Variants in MYRF observed in about 807,000 individuals in gnomAD.
The protein encoded by MYRF is myelin regulatory factor, also known as myelin gene regulatory factor.
In MYRF, 16 loss-of-function variants were observed where a neutral mutation model predicts 126.3. The ratio of observed to expected loss-of-function variants is 0.13; its 90% CI spans 0.09 to 0.19. MYRF has a LOEUF of 0.19. MYRF is among the 10% of genes least tolerant of loss of function. The pLI, the probability that MYRF is intolerant of heterozygous loss-of-function variation, is 1.00. For synonymous variants in MYRF, 608 were observed against 635.3 expected, an observed-to-expected ratio of 0.96 and a Z score of 0.65; for missense variants, 1,104 against 1,547.0, an observed-to-expected ratio of 0.71 and a Z score of 4.80.
intron 4 of MYRF, among the ~76,000 whole-genome samples, chr11:61,769,744 A>C (rs952493888): frequency 2.0e-4 from 31 of 152,234 alleles, no homozygotes; most frequent in African/African-American, 7.5e-4. Flanking sequence ...TGGGGTCAAG[A>C]GTTCTGTTTA....
intron 1 of MYRF, among the ~76,000 whole-genome samples, chr11:61,756,370 A>G (rs2065755432): frequency 6.6e-6 from 1 of 152,118 alleles, no homozygotes; most frequent in Non-Finnish European, 1.5e-5. Context: ...GGTCCCAGGT[A>G]GAGACTACCT....
intron 5 of MYRF, 127 bp downstream of exon 5, chr11:61,770,652 T>G: frequency 4.6e-6 from 4 of 873,524 alleles, no homozygotes; most frequent in Non-Finnish European, 6.9e-6. Flanking sequence ...CAGAAGGCTC[T>G]GCAGGGCAGA....
At chr11:61,766,837 C>A in intron 3 of MYRF, 2 of 353,074 alleles carry the variant, frequency 5.7e-6, no homozygotes, top group South Asian at 2.2e-5. Flanking sequence ...ATGCTCACAG[C>A]GGGAGGCTGG....
intron 22 of MYRF, 86 bp downstream of exon 22, chr11:61,781,910 C>T: frequency 1.4e-6 from 2 of 1,424,294 alleles, no homozygotes; most frequent in Non-Finnish European, 9.2e-7. Flanking sequence ...ATGTGACTGT[C>T]TGGGTTCAGA....
chr11:61,774,208 G>A, intron 8 of MYRF, 46 bp downstream of exon 8: 3 of 1,528,492 alleles, frequency 2.0e-6, no homozygotes, highest in Non-Finnish European at 2.7e-6. Context: ...AGGGCCCTTT[G>A]GGGGCACTGA....
rs1301773867 is a variant in MYRF at position 61,773,507 on chromosome 11, C to G, written c.1116-460C>G. On this transcript the variant is annotated intron_variant, in intron 7 of 26. Coordinates refer to ENST00000278836, the MANE Select transcript of MYRF (RefSeq NM_001127392.3). ...CGGTGGGCAGGGGCTGGGTCTGCAG[C>G]AGAGCAGGCGCCTGGTTCCACCGTT... Among the ~76,000 whole-genome samples, 3 of 152,292 alleles carry G rather than the reference C, an allele frequency of 2.0e-5. No individual in the cohort carries two copies. In the East Asian group the frequency reaches 5.8e-4, roughly 29 times the overall value.
intron 1 of MYRF, among the ~76,000 whole-genome samples, chr11:61,758,254 C>A (rs1211384408): frequency 6.6e-6 from 1 of 152,168 alleles, no homozygotes; most frequent in Non-Finnish European, 1.5e-5. Context: ...TCCGTGCAGC[C>A]ACCGGAGTGC....
chr11:61,763,422 T>C (rs558484980), intron 1 of MYRF, among the ~76,000 whole-genome samples: 4 of 152,338 alleles, frequency 2.6e-5, no homozygotes, highest in African/African-American at 7.2e-5. Context: ...TTTGTCATCA[T>C]CGCCATGATG....
At position 61,781,817 on chromosome 11, in the gene MYRF, C is replaced by T. The variant is rs778460144; in HGVS notation, c.3009C>T (p.Gly1003=). 8 of 1,558,036 alleles carry T rather than the reference C, an allele frequency of 5.1e-6. No individual in the cohort carries two copies. In the East Asian group the frequency reaches 1.4e-4, roughly 26 times the overall value. ...VGPAEPTWAQ[G]QSASLLAEPV... Reference sequence around the variant, plus strand: ...CTGCTGAGCCCACCTGGGCCCAGGGCCAGTCAGGTACTTGCTGCACCCCTG... The same window carrying T: ...CTGCTGAGCCCACCTGGGCCCAGGGTCAGTCAGGTACTTGCTGCACCCCTG... The change falls in exon 22 of 27, where the codon GGC becomes GGT. Residue 1003 remains glycine, a synonymous_variant. Coordinates refer to ENST00000278836, the MANE Select transcript of MYRF (RefSeq NM_001127392.3).
chr11:61,785,704 T>A, intron 25 of MYRF, 96 bp from the exon 26 acceptor site: 1 of 982,748 alleles, frequency 1.0e-6, no homozygotes, highest in Middle Eastern at 2.1e-4. Flanking sequence ...TTCATAAAAC[T>A]CCCCACAGAC....
At chr11:61,779,647 C>T (rs1234948281) in intron 16 of MYRF, 77 bp downstream of exon 16, 12 of 1,353,554 alleles carry the variant, frequency 8.9e-6, no homozygotes, top group East Asian at 2.5e-5. Context: ...TTGCAGTTCT[C>T]CAGCCTCACT....
intron 1 of MYRF, chr11:61,755,453 C>A: frequency 6.2e-7 from 1 of 1,609,922 alleles, no homozygotes; most frequent in Non-Finnish European, 8.5e-7. Context: ...GTAACCGGGC[C>A]ATGGTATAAG....
At chr11:61,772,690 C>T (rs528552016) in intron 7 of MYRF, among the ~76,000 whole-genome samples, 3 of 152,348 alleles carry the variant, frequency 2.0e-5, no homozygotes, top group South Asian at 4.1e-4. Flanking sequence ...CTTACTCTTA[C>T]TGCCATACTC....
At position 61,781,236 on chromosome 11, in the gene MYRF, A is replaced by C; in HGVS notation, c.2671A>C (p.Thr891Pro). The C allele has an allele frequency of 6.2e-7, 1 of 1,613,830 alleles. No homozygotes were observed. The highest frequency in any genetic ancestry group is 1.1e-5 in the South Asian group (1 of 91,062). The change falls in exon 21 of 27, where the codon ACT (threonine) becomes CCT (proline). Residue 891 changes from threonine to proline, a missense_variant. This residue lies in a region of MYRF where 323 missense variants were observed against 383.1 expected (regional missense o/e 0.84). Coordinates refer to ENST00000278836, the MANE Select transcript of MYRF (RefSeq NM_001127392.3). ...CCCTGTCATCTGCTGTTCCTCACCC[A>C]CTACCAACCCTACCACTGGTCCTAG... ...PCPVICCSSP[T>P]TNPTTGPSLG...
rs1752216182 is a variant in MYRF at position 61,771,917 on chromosome 11, G to A, written c.1080G>A (p.Lys360=). Residue 360 remains lysine, a synonymous_variant, in exon 7 of 27, where the codon AAG becomes AAA. Coordinates refer to ENST00000278836, the MANE Select transcript of MYRF (RefSeq NM_001127392.3). The part of the protein sequence containing the change: ...SIKWQPHQQN[K]WATLYDANYK... Reference sequence around the variant, plus strand: ...AGTGGCAGCCTCATCAGCAGAACAAGTGGGCGACCCTGTACGATGCTAACT... The same window carrying A: ...AGTGGCAGCCTCATCAGCAGAACAAATGGGCGACCCTGTACGATGCTAACT... 3.7e-6 allele frequency: 6 copies of A among 1,614,146 alleles called. No individual in the cohort carries two copies. Among genetic ancestry groups the A allele is most frequent in the Non-Finnish European group, 5.1e-6 (6 of 1,180,022 alleles).
At chr11:61,771,773 A>G in intron 6 of MYRF, 23 bp downstream of exon 6, 1 of 1,612,876 alleles carries the variant, frequency 6.2e-7, no homozygotes. Context: ...CCAACTCTTC[A>G]AGGTGGGGTG....
At chr11:61,773,650 G>GCCCTCCCCCACTCAGGAGTT (rs1488288579) in intron 7 of MYRF, among the ~76,000 whole-genome samples, 2 of 152,174 alleles carry the variant, frequency 1.3e-5, no homozygotes, top group African/African-American at 4.8e-5. Flanking sequence ...GGGCAGTCAA[G>GCCCTCCCCCACTCAGGAGTT]CCCTCCCCCA....
intron 1 of MYRF, among the ~76,000 whole-genome samples, chr11:61,761,263 G>GGC (rs543320536): frequency 3.3e-5 from 5 of 151,664 alleles, no homozygotes; most frequent in East Asian, 3.9e-4. Context: ...AGCTGGTGGG[G>GGC]GGGGGGGCAC....
Position 61,776,295 on chromosome 11 carries a change from CCT to C in MYRF, c.1389-26_1389-25del. ...GCTCTTGCAGCCTCCCTCCCTGCCCCCTGAGCACCCTGCCTCTCCTCTGCAGG... is the reference window on the plus strand; with the variant it reads ...GCTCTTGCAGCCTCCCTCCCTGCCCCGAGCACCCTGCCTCTCCTCTGCAGG... On this transcript the variant is annotated intron_variant, in intron 9 of 26. Coordinates refer to ENST00000278836, the MANE Select transcript of MYRF (RefSeq NM_001127392.3). The surrounding 1 kb of genome is among the most constrained non-coding windows in gnomAD (Gnocchi z 4.3). 1 of 1,600,628 alleles carries C rather than the reference CCT, an allele frequency of 6.2e-7. No individual in the cohort carries two copies.
Sources: gnomAD v4.1 joint callset for allele counts (sites outside exome capture counted in the v4.1 genomes callset) on GRCh38, gnomAD v4.1.1 for gene constraint, gnomAD v4.1.1 regional missense constraint, Gnocchi (gnomAD v3.1) non-coding constraint, MANE v1.5 for transcripts, NCBI Gene and HGNC (gene_info 2026-07-23, HGNC 2026-07-21) for gene names.